Variants in WDR25 observed in about 807,000 individuals in gnomAD.
The protein encoded by WDR25 is WD repeat domain 25, also known as WD repeat-containing protein 25.
Under a neutral mutation model 47.7 loss-of-function variants are expected in WDR25, and 35 were observed. The observed-to-expected ratio is 0.73, with a 90% CI of 0.56 to 0.97. The LOEUF (loss-of-function observed/expected upper bound fraction) is 0.97, where lower values mean the gene tolerates loss of function less well. Among genes scored for constraint, WDR25 ranks in the 50% least tolerant of loss-of-function variants. WDR25 has a pLI of 0.00. For synonymous variants in WDR25, 248 were observed against 278.9 expected, an observed-to-expected ratio of 0.89 and a Z score of 1.10; for missense variants, 634 against 704.7, an observed-to-expected ratio of 0.90 and a Z score of 1.14.
chr14:100,420,222 C>A (rs992180277), intron 2 of WDR25, among the ~76,000 whole-genome samples: 1 of 152,264 alleles, frequency 6.6e-6, no homozygotes, highest in Non-Finnish European at 1.5e-5. Context: ...GCCCTGGCAA[C>A]CCCTTCCCCC....
At chr14:100,411,785 C>T (rs1301792219) in intron 2 of WDR25, among the ~76,000 whole-genome samples, 3 of 152,212 alleles carry the variant, frequency 2.0e-5, no homozygotes, top group African/African-American at 7.2e-5. Flanking sequence ...ATCCACTCAC[C>T]TTGGCCTCCC....
intron 2 of WDR25, among the ~76,000 whole-genome samples, chr14:100,442,563 T>C (rs1452795664): frequency 6.6e-6 from 1 of 152,230 alleles, no homozygotes; most frequent in African/African-American, 2.4e-5. Flanking sequence ...ATCTGTCCCC[T>C]TGTATCTCGA....
intron 2 of WDR25, among the ~76,000 whole-genome samples, chr14:100,421,382 A>C (rs965461347): frequency 2.0e-5 from 3 of 152,154 alleles, no homozygotes; most frequent in African/African-American, 7.2e-5. Flanking sequence ...GGGGGTTGTG[A>C]GCCACAGTCG....
intron 4 of WDR25, among the ~76,000 whole-genome samples, chr14:100,520,060 ATGTGTGTG>A (rs755623468): frequency 7.4e-6 from 1 of 134,326 alleles, no homozygotes; most frequent in Non-Finnish European, 1.5e-5. Context: ...ATATGTACAT[ATGTGTGTG>A]TGTGTGTGTG....
At chr14:100,463,599 G>A (rs752744227) in intron 2 of WDR25, among the ~76,000 whole-genome samples, 2 of 152,148 alleles carry the variant, frequency 1.3e-5, no homozygotes, top group South Asian at 2.1e-4. Context: ...TCAAGGCTGC[G>A]GCACAATTTC....
At chr14:100,386,958 G>A (rs189495591) in intron 2 of WDR25, among the ~76,000 whole-genome samples, 37 of 152,144 alleles carry the variant, frequency 2.4e-4, no homozygotes, top group Admixed American at 6.5e-4. Context: ...CTTGTGTGTG[G>A]TGAGAGTGGG....
chr14:100,382,116 C>T, intron 2 of WDR25: 1 of 703,038 alleles, frequency 1.4e-6, no homozygotes, highest in South Asian at 1.5e-5. Flanking sequence ...AGCTCTGTGC[C>T]TGGTGCTGTG....
intron 4 of WDR25, among the ~76,000 whole-genome samples, chr14:100,494,892 C>T (rs1208690566): frequency 1.3e-5 from 2 of 152,122 alleles, no homozygotes; most frequent in South Asian, 4.1e-4. Flanking sequence ...GAGCAGAATG[C>T]ACTTTAGGAG....
chr14:100,419,828 G>A (rs1388778999), intron 2 of WDR25, among the ~76,000 whole-genome samples: 1 of 152,136 alleles, frequency 6.6e-6, no homozygotes, highest in Non-Finnish European at 1.5e-5. Flanking sequence ...TTATATTATG[G>A]GACAGAGATG....
At chr14:100,464,552 T>C (rs189459448) in intron 2 of WDR25, among the ~76,000 whole-genome samples, 1 of 151,940 alleles carries the variant, frequency 6.6e-6, no homozygotes, top group East Asian at 1.9e-4. Context: ...AATGAATGAG[T>C]TTCAGAGGAA....
At chr14:100,492,032 C>T (rs935994544) in intron 4 of WDR25, among the ~76,000 whole-genome samples, 7 of 152,304 alleles carry the variant, frequency 4.6e-5, no homozygotes, top group South Asian at 2.1e-4. Context: ...AGGAAGAGGA[C>T]GCATTTCATT....
At chr14:100,510,468 G>T (rs1212451412) in intron 4 of WDR25, among the ~76,000 whole-genome samples, 1 of 151,572 alleles carries the variant, frequency 6.6e-6, no homozygotes, top group Non-Finnish European at 1.5e-5. Flanking sequence ...GGGCACAGTG[G>T]TTCACGCCTG....
At chr14:100,434,218 C>T (rs1447992006) in intron 2 of WDR25, among the ~76,000 whole-genome samples, 1 of 152,178 alleles carries the variant, frequency 6.6e-6, no homozygotes, top group Non-Finnish European at 1.5e-5. Flanking sequence ...ACACATGCCT[C>T]TATTCAGTTA....
In WDR25 at chr14:100,488,478, C is replaced by T. The variant is rs1308381684; in HGVS notation, c.1101+4354C>T. ...TGCTACTTGCTTGGCTGGGTGATTT[C>T]GGCCACATTCCTTAAGCAAAAGCCT... On this transcript the variant is annotated intron_variant, in intron 4 of 6. Coordinates refer to ENST00000402312, the MANE Select transcript of WDR25 (RefSeq NM_001161476.3). The surrounding 1 kb of genome is among the most constrained non-coding windows in gnomAD (Gnocchi z 4.2). Among the ~76,000 whole-genome samples, 3 of 152,100 alleles carry T rather than the reference C, an allele frequency of 2.0e-5. No individual in the cohort carries two copies. Among genetic ancestry groups the T allele is most frequent in the African/African-American group, 2.4e-5 (1 of 41,414 alleles).
intron 2 of WDR25, among the ~76,000 whole-genome samples, chr14:100,411,727 G>A (rs1189513960): frequency 1.3e-5 from 2 of 152,042 alleles, no homozygotes; most frequent in East Asian, 3.9e-4. Flanking sequence ...AGTAAGACAA[G>A]GTTTCACCGT....
intron 3 of WDR25, among the ~76,000 whole-genome samples, chr14:100,472,527 C>T (rs1324639877): frequency 6.6e-6 from 1 of 152,242 alleles, no homozygotes; most frequent in Non-Finnish European, 1.5e-5. Context: ...CTCCTCTCCT[C>T]CTCCGTCATG....
rs369085549 is a variant in WDR25, at chr14:100,529,233, C to A, written c.1413+25C>A. 2 of 1,612,054 alleles carry A rather than the reference C, an allele frequency of 1.2e-6. No individual in the cohort carries two copies. The highest frequency in any genetic ancestry group is 1.7e-6 in the Non-Finnish European group (2 of 1,179,586). On this transcript the variant is annotated intron_variant, in intron 6 of 6. Coordinates refer to ENST00000402312, the MANE Select transcript of WDR25 (RefSeq NM_001161476.3). This position sits in a 1 kb window ranked among gnomAD's most constrained non-coding sequence, Gnocchi z 5.1. ...GGTACTTCTGTCCTTGTCCCCCAGGCGAATGCTGAGCCCCAGCCCCAAGCC... is the reference window on the plus strand; with the variant it reads ...GGTACTTCTGTCCTTGTCCCCCAGGAGAATGCTGAGCCCCAGCCCCAAGCC...
intron 2 of WDR25, among the ~76,000 whole-genome samples, chr14:100,400,405 G>C (rs1360709964): frequency 1.3e-5 from 2 of 152,202 alleles, no homozygotes; most frequent in African/African-American, 4.8e-5. Context: ...GTTTGACTCA[G>C]GCCCAGCTTG....
rs183662472 is a variant in WDR25 at position 100,399,989 on chromosome 14, G to A, written c.822+18243G>A. ...ACATGGGAGAGGGTTAGATGCATTT[G>A]TTGAATTACTGGGCTGAATGACTGC... On this transcript the variant is annotated intron_variant, in intron 2 of 6. Transcript: ENST00000402312. Among the ~76,000 whole-genome samples, 391 of 152,326 alleles carry A rather than the reference G, an allele frequency of 2.6e-3. 1 individual carries two copies. The highest frequency in any genetic ancestry group is 0.012 in the South Asian group (56 of 4,820).
Sources: allele counts gnomAD v4.1 joint callset (sites outside exome capture counted in the v4.1 genomes callset), GRCh38; gene constraint gnomAD v4.1.1; non-coding constraint Gnocchi (gnomAD v3.1); transcripts MANE v1.5; gene names NCBI Gene and HGNC (gene_info 2026-07-23, HGNC 2026-07-21).